The following PIPOX variants were observed in gnomAD, a reference collection of about 807,000 sequenced individuals.
PIPOX encodes pipecolic acid and sarcosine oxidase.
A neutral mutation model predicts 47.9 loss-of-function variants in PIPOX; 45 were observed. The ratio of observed to expected loss-of-function variants is 0.94; its 90% CI spans 0.74 to 1.20. The LOEUF (loss-of-function observed/expected upper bound fraction) is 1.20. Among genes scored for constraint, PIPOX ranks in the 50% most tolerant of loss-of-function variants. The pLI is 0.00. For missense variants in PIPOX, 458 were observed against 498.4 expected, an observed-to-expected ratio of 0.92 and a Z score of 0.77; for synonymous variants, 165 against 191.3, an observed-to-expected ratio of 0.86 and a Z score of 1.13.
chr17:29,043,819 T>A (rs1049844689), intron 1 of PIPOX, among the ~76,000 whole-genome samples: 2 of 152,184 alleles, frequency 1.3e-5, no homozygotes, highest in East Asian at 1.9e-4. Context: ...TTTTTTTTTT[T>A]ATTTTTTATT....
intron 3 of PIPOX, 127 bp downstream of exon 3, chr17:29,053,260 C>A: frequency 1.7e-6 from 2 of 1,209,892 alleles, no homozygotes; most frequent in Admixed American, 2.1e-5. Flanking sequence ...CTTGACTTTT[C>A]CAGCAGGGCA....
Position 29,052,919 on chromosome 17 carries a change from G to A in PIPOX, c.264-1G>A. The A allele has an allele frequency of 1.9e-6, 3 of 1,613,898 alleles. No homozygotes were observed. In the South Asian group the frequency reaches 3.3e-5, roughly 18 times the overall value. On this transcript the variant is annotated splice_acceptor_variant, in intron 2 of 7. Coordinates refer to ENST00000323372, the MANE Select transcript of PIPOX (RefSeq NM_016518.3). LOFTEE classifies it high-confidence loss of function. ...CACCTAGGTGACTTATTTTTTAACA[G>A]GCAGACTGGATTACTGCTGCTGGGA... is the stretch of plus-strand genomic sequence containing the variant.
Position 29,055,063 on chromosome 17 carries a change from G to A in PIPOX, c.808G>A (p.Val270Ile). ...PTGEYPGLMKVSYHHGNHADP... is the reference protein window; with the variant it reads ...PTGEYPGLMKISYHHGNHADP... The stretch of plus-strand genomic sequence containing the variant: ...TCATGCCACTCTGATTGGGAGCCAG[G>A]TCAGCTATCACCACGGCAACCACGC... Residue 270 changes from valine to isoleucine, a missense_variant and splice_region_variant, in exon 6 of 8, where the codon GTC (valine) becomes ATC (isoleucine). Val to Ile is a conservative substitution (Grantham distance 29). Transcript: ENST00000323372. The A allele has an allele frequency of 2.5e-6, 4 of 1,614,102 alleles. No individual in the cohort carries two copies. Among genetic ancestry groups the A allele is most frequent in the Non-Finnish European group, 3.4e-6 (4 of 1,180,006 alleles).
At chr17:29,052,486 T>G (rs1210149166) in intron 2 of PIPOX, among the ~76,000 whole-genome samples, 1 of 152,234 alleles carries the variant, frequency 6.6e-6, no homozygotes, top group South Asian at 2.1e-4. Context: ...TCTCTGAACA[T>G]GAGGCCATGA....
At chr17:29,046,353 G>C (rs115465180) in intron 2 of PIPOX, among the ~76,000 whole-genome samples, 1 of 152,184 alleles carries the variant, frequency 6.6e-6, no homozygotes, top group South Asian at 2.1e-4. Flanking sequence ...ACTAAGAGAC[G>C]TTAGAGTGTC....
At position 29,053,393 on chromosome 17, in the gene PIPOX, C is replaced by T. The variant is rs755619400; in HGVS notation, c.478-20C>T. On this transcript the variant is annotated intron_variant, in intron 3 of 7. Transcript: ENST00000323372. ...CCACATACAGAACTAATTCACCTTT[C>T]CCTGCTCCTGCCCTTTCAGGATGCA... is the stretch of plus-strand genomic sequence containing the variant. The T allele has an allele frequency of 6.2e-7, 1 of 1,601,386 alleles. No individual in the cohort carries two copies. Among genetic ancestry groups the T allele is most frequent in the South Asian group, 1.1e-5 (1 of 89,958 alleles).
intron 2 of PIPOX, chr17:29,051,955 T>C (rs1337306415): frequency 2.1e-6 from 1 of 470,756 alleles, no homozygotes; most frequent in African/African-American, 2.0e-5. Flanking sequence ...CACCCTGGTG[T>C]GGAACCATCA....
intron 2 of PIPOX, among the ~76,000 whole-genome samples, chr17:29,047,166 A>C (rs1286315771): frequency 6.6e-6 from 1 of 152,178 alleles, no homozygotes; most frequent in African/African-American, 2.4e-5. Flanking sequence ...GGACACCTGT[A>C]ATCACAGCTA....
intron 2 of PIPOX, among the ~76,000 whole-genome samples, chr17:29,045,329 A>C (rs530611054): frequency 6.7e-6 from 1 of 150,044 alleles, no homozygotes; most frequent in African/African-American, 2.5e-5. Flanking sequence ...GTGTATTTTC[A>C]ACTCTGTGGA....
rs1332466679 is a variant in PIPOX, at chr17:29,057,184, A to G, written c.*879A>G. 2 of 152,164 alleles carry G rather than the reference A, an allele frequency of 1.3e-5. No individual in the cohort carries two copies. Among genetic ancestry groups the G allele is most frequent in the African/African-American group, 2.4e-5 (1 of 41,426 alleles). 9.4% of individuals were successfully genotyped at this position (152,164 alleles called of 1,614,324 possible). On this transcript the variant is annotated 3_prime_UTR_variant, in exon 8 of 8. Transcript: ENST00000323372. The stretch of plus-strand genomic sequence containing the variant: ...CTGGCTCGTCTTTGATGAACAATAA[A>G]TATTTGTTGAACAAATAAATAACTG...
chr17:29,053,212 C>A lies in PIPOX; in HGVS notation c.477+79C>A, dbSNP rs112066363. On this transcript the variant is annotated intron_variant, in intron 3 of 7. Coordinates refer to ENST00000323372, the MANE Select transcript of PIPOX (RefSeq NM_016518.3). ...GGGTCCCAAGCAGCCAGCCCAAGAC[C>A]CCCCTCTGGATGAGGCCTTTGCCCT... The A allele has an allele frequency of 5.3e-4, 749 of 1,415,578 alleles. 5 individuals are homozygous for A. The African/African-American group carries it at 9.1e-3, about 17-fold the overall frequency. 87.7% of individuals were successfully genotyped at this position (1,415,578 alleles called of 1,614,324 possible).
intron 1 of PIPOX, among the ~76,000 whole-genome samples, chr17:29,044,035 C>G (rs1041679614): frequency 6.6e-6 from 1 of 152,176 alleles, no homozygotes; most frequent in Non-Finnish European, 1.5e-5. Flanking sequence ...CTGCAGCTAC[C>G]CAGGCTGGCT....
intron 2 of PIPOX, among the ~76,000 whole-genome samples, chr17:29,045,711 G>A (rs538950053): frequency 1.9e-3 from 284 of 152,104 alleles, no homozygotes; most frequent in South Asian, 0.01. Context: ...GCCTGGCCCA[G>A]GATTCTTTAT....
rs1247013694 is a variant in PIPOX at position 29,056,314 on chromosome 17, C to T, written c.*9C>T. 1.9e-6 allele frequency: 3 copies of T among 1,614,202 alleles called. No homozygotes were observed. Among genetic ancestry groups the T allele is most frequent in the South Asian group, 1.1e-5 (1 of 91,082 alleles). On this transcript the variant is annotated 3_prime_UTR_variant, in exon 8 of 8. Transcript: ENST00000323372. ...GCAAAGCCCACCTTTGACCTCTGGC[C>T]AGAAGCCTCCCTTCTGTGCACAGGA...
chr17:29,053,173 G>C (rs765584542), intron 3 of PIPOX, 40 bp downstream of exon 3: 2 of 1,573,164 alleles, frequency 1.3e-6, no homozygotes, highest in South Asian at 2.2e-5. Context: ...GGTGCTCCCT[G>C]CTCTGGGTGT....
intron 2 of PIPOX, chr17:29,051,923 T>G: frequency 2.1e-6 from 1 of 469,734 alleles, no homozygotes; most frequent in South Asian, 1.6e-5. Context: ...TGTCCCTGGG[T>G]GGGCGGGTGA....
At chr17:29,054,132 G>A (rs1018535919) in intron 4 of PIPOX, among the ~76,000 whole-genome samples, 6 of 152,098 alleles carry the variant, frequency 3.9e-5, no homozygotes, top group African/African-American at 1.5e-4. Flanking sequence ...GCAATGAGTC[G>A]TGATTCTACC....
chr17:29,055,727 C>T (rs1210524343), intron 6 of PIPOX, 86 bp from the exon 7 acceptor site: 1 of 1,138,516 alleles, frequency 8.8e-7, no homozygotes, highest in Non-Finnish European at 1.3e-6. Flanking sequence ...GAAAGAAATC[C>T]AGCCCATCCC....
At chr17:29,043,988 G>C (rs2065776042) in intron 1 of PIPOX, among the ~76,000 whole-genome samples, 1 of 152,184 alleles carries the variant, frequency 6.6e-6, no homozygotes, top group Non-Finnish European at 1.5e-5. Flanking sequence ...GGGCCACCCA[G>C]CTATCCACTG....
Sources: gnomAD v4.1 joint callset for allele counts (sites outside exome capture counted in the v4.1 genomes callset) on GRCh38, gnomAD v4.1.1 for gene constraint, MANE v1.5 for transcripts, NCBI Gene and HGNC (gene_info 2026-07-23, HGNC 2026-07-21) for gene names.